Variants in PAFAH1B2 observed in about 807,000 individuals in gnomAD.
PAFAH1B2 encodes the protein platelet-activating factor acetylhydrolase IB subunit alpha2.
In PAFAH1B2, 8 loss-of-function variants were observed where a neutral mutation model predicts 28.0. The ratio of observed to expected loss-of-function variants is 0.29; its 90% CI spans 0.17 to 0.52. The LOEUF (loss-of-function observed/expected upper bound fraction) is 0.52. Among genes scored for constraint, PAFAH1B2 ranks in the 20% least tolerant of loss-of-function variants. The pLI is 0.97. For synonymous variants in PAFAH1B2, 104 were observed against 103.2 expected, an observed-to-expected ratio of 1.01 and a Z score of -0.05; for missense variants, 190 against 282.6, an observed-to-expected ratio of 0.67 and a Z score of 2.35.
chr11:117,170,625 TTAA>T lies in PAFAH1B2; in HGVS notation c.*2927_*2929del, dbSNP rs1956630477. 2 of 1,000,996 alleles carry T rather than the reference TTAA, an allele frequency of 2.0e-6. No individual in the cohort carries two copies. Among genetic ancestry groups the T allele is most frequent in the African/African-American group, 2.2e-5 (1 of 44,752 alleles). The allele number at this position is 1,000,996 out of a possible 1,614,324, so 62.0% of individuals were successfully genotyped here. On this transcript the variant is annotated 3_prime_UTR_variant, in exon 6 of 6. Transcript: ENST00000527958. ...CCCGGCTCTTAGGAATTTTGTCTGT[TTAA>T]AAAAAAAAAAAAAAAAAAAGTCCAA...
chr11:117,147,897 A>C (rs1305569246), intron 1 of PAFAH1B2, among the ~76,000 whole-genome samples: 1 of 152,052 alleles, frequency 6.6e-6, no homozygotes, highest in Non-Finnish European at 1.5e-5. Context: ...CGGTTTCTCT[A>C]TGTGTATGCT....
At chr11:117,146,446 G>T (rs542752099) in intron 1 of PAFAH1B2, among the ~76,000 whole-genome samples, 1 of 152,218 alleles carries the variant, frequency 6.6e-6, no homozygotes, top group South Asian at 2.1e-4. Context: ...TATTTTATGT[G>T]TCCATAAGAG....
rs141583085 is a variant in PAFAH1B2 at position 117,144,896 on chromosome 11, C to G, written c.-8+478C>G. Among the ~76,000 whole-genome samples the G allele has an allele frequency of 8.4e-3, 1,280 of 152,310 alleles. 15 individuals are homozygous for G. Among genetic ancestry groups the G allele is most frequent in the African/African-American group, 0.029 (1,225 of 41,574 alleles). On this transcript the variant is annotated intron_variant, in intron 1 of 5. Transcript: ENST00000527958. ...GGTCTAACTTCTCACTCTTCTCTCC[C>G]CTCGCGTCTGGTCGGAGGCCAAAAC... is the stretch of plus-strand genomic sequence containing the variant.
At position 117,159,995 on chromosome 11, in the gene PAFAH1B2, C is replaced by G. The variant is rs754124328; in HGVS notation, c.143C>G (p.Ser48Cys). The G allele has an allele frequency of 6.2e-7, 1 of 1,613,478 alleles. No homozygotes were observed. Among genetic ancestry groups the G allele is most frequent in the Non-Finnish European group, 8.5e-7 (1 of 1,179,436 alleles). The change falls in exon 3 of 6, where the codon TCC (serine) becomes TGC (cysteine). Residue 48 changes from serine to cysteine, a missense_variant. Transcript: ENST00000527958. ...KEPDVLFVGD[S>C]MVQLMQQYEI... ...CCTGATGTACTGTTCGTGGGAGACTCCATGGTGCAGTTAATGCAGCAATAT... is the reference window on the plus strand; with the variant it reads ...CCTGATGTACTGTTCGTGGGAGACTGCATGGTGCAGTTAATGCAGCAATAT...
intron 4 of PAFAH1B2, among the ~76,000 whole-genome samples, chr11:117,163,207 C>G (rs1282000979): frequency 1.9e-5 from 2 of 106,018 alleles, no homozygotes; most frequent in Non-Finnish European, 4.3e-5. Context: ...ATTTGTAGTC[C>G]CAGCATTTTG....
At chr11:117,176,009 G>A, downstream of PAFAH1B2, 1 of 1,205,130 alleles carries the variant, frequency 8.3e-7, no homozygotes, top group South Asian at 1.3e-5. Context: ...ACTGCATGGA[G>A]GGCTCATGAT....
chr11:117,148,970 C>G (rs1045099174), intron 1 of PAFAH1B2, among the ~76,000 whole-genome samples: 1 of 151,326 alleles, frequency 6.6e-6, no homozygotes, highest in Non-Finnish European at 1.5e-5. Context: ...TGGGCTCGAG[C>G]GATTCTCCTC....
chr11:117,152,554 T>A, intron 2 of PAFAH1B2, 26 bp downstream of exon 2: 8 of 1,453,582 alleles, frequency 5.5e-6, no homozygotes, highest in Non-Finnish European at 7.7e-6. Flanking sequence ...TGTGTATCAT[T>A]CACATGAGTT....
intron 1 of PAFAH1B2, among the ~76,000 whole-genome samples, chr11:117,146,373 G>T (rs1235387593): frequency 6.6e-6 from 1 of 151,880 alleles, no homozygotes; most frequent in African/African-American, 2.4e-5. Context: ...GATAACAGGC[G>T]CAGGAAACCC....
At chr11:117,156,922 G>T (rs1006957730) in intron 2 of PAFAH1B2, among the ~76,000 whole-genome samples, 4 of 151,632 alleles carry the variant, frequency 2.6e-5, no homozygotes, top group Admixed American at 1.3e-4. Context: ...GATCACGTAA[G>T]CCCTCCCCAG....
chr11:117,173,255 A>C (rs962709409), downstream of PAFAH1B2, among the ~76,000 whole-genome samples: 1 of 152,212 alleles, frequency 6.6e-6, no homozygotes, highest in African/African-American at 2.4e-5. Flanking sequence ...GTGAAAGCCC[A>C]GTTTTAGGAA....
chr11:117,175,027 C>G (rs2029896590), downstream of PAFAH1B2: 9 of 1,391,152 alleles, frequency 6.5e-6, no homozygotes, highest in Admixed American at 2.3e-4. Context: ...ACTCATGGGT[C>G]CAGCAAGCTC....
intron 1 of PAFAH1B2, among the ~76,000 whole-genome samples, chr11:117,145,112 C>T (rs926360092): frequency 6.6e-6 from 1 of 152,156 alleles, no homozygotes; most frequent in Non-Finnish European, 1.5e-5. Context: ...CATGAATGTG[C>T]TCGGAGCGGC....
chr11:117,164,941 CAG>C (rs2134209230), intron 5 of PAFAH1B2, among the ~76,000 whole-genome samples: 2 of 146,146 alleles, frequency 1.4e-5, no homozygotes, highest in South Asian at 4.4e-4. Context: ...GAGGCTGAAA[CAG>C]ATAATTTCTT....
At chr11:117,152,723 A>T (rs1306039479) in intron 2 of PAFAH1B2, among the ~76,000 whole-genome samples, 195 bp downstream of exon 2, 1 of 152,168 alleles carries the variant, frequency 6.6e-6, no homozygotes, top group African/African-American at 2.4e-5. Flanking sequence ...TGGCTTCTTC[A>T]ATTATTTTAA....
chr11:117,166,260 C>T (rs1433552588), intron 5 of PAFAH1B2, among the ~76,000 whole-genome samples: 1 of 152,176 alleles, frequency 6.6e-6, no homozygotes, highest in Admixed American at 6.5e-5. Flanking sequence ...CTTATTTATA[C>T]CTGCCTTATT....
At chr11:117,171,650 T>C, downstream of PAFAH1B2, 1 of 1,465,430 alleles carries the variant, frequency 6.8e-7, no homozygotes, top group Non-Finnish European at 9.2e-7. Flanking sequence ...AAATACTCTA[T>C]CTCAGAGATA....
downstream of PAFAH1B2, among the ~76,000 whole-genome samples, chr11:117,174,204 GT>G (rs1260989437): frequency 8.3e-4 from 123 of 148,434 alleles, no homozygotes; most frequent in South Asian, 9.4e-3. Context: ...GTGTGTGTGT[GT>G]GGCAGTTTCA....
At chr11:117,171,383 A>G (rs935062775), downstream of PAFAH1B2, among the ~76,000 whole-genome samples, 1 of 152,184 alleles carries the variant, frequency 6.6e-6, no homozygotes, top group African/African-American at 2.4e-5. Flanking sequence ...CAGTCAGTAT[A>G]ATACAGTGTT....
Sources: gnomAD v4.1 joint callset for allele counts (sites outside exome capture counted in the v4.1 genomes callset) on GRCh38, gnomAD v4.1.1 for gene constraint, MANE v1.5 for transcripts, NCBI Gene and HGNC (gene_info 2026-07-23, HGNC 2026-07-21) for gene names.